Variants in WSCD2 observed in about 807,000 individuals in gnomAD.
WSCD2 encodes WSC domain sialate O sulfotransferase 2.
A neutral mutation model predicts 55.7 loss-of-function variants in WSCD2; 28 were observed. The observed-to-expected ratio is 0.50, with a 90% CI of 0.37 to 0.69. WSCD2 has a LOEUF of 0.69. Ranked by LOEUF, WSCD2 falls within the 30% of genes least tolerant of loss-of-function variation. The pLI, the probability that WSCD2 is intolerant of heterozygous loss-of-function variation, is 0.00. For missense variants in WSCD2, 616 were observed against 762.1 expected (o/e 0.81, Z 2.26); for synonymous variants, 301 against 301.9 (o/e 1.00, Z 0.03).
intron 1 of WSCD2, among the ~76,000 whole-genome samples, chr12:108,187,590 C>G (rs2137020619): frequency 6.6e-6 from 1 of 152,270 alleles, no homozygotes. Context: ...ACAAGTGGAA[C>G]CTTTCTTATA....
chr12:108,162,517 G>A (rs1192367255), intron 1 of WSCD2, among the ~76,000 whole-genome samples: 1 of 152,096 alleles, frequency 6.6e-6, no homozygotes, highest in Non-Finnish European at 1.5e-5. Context: ...TCTACTTCTG[G>A]GGGAAAGAAA....
intron 4 of WSCD2, among the ~76,000 whole-genome samples, chr12:108,223,899 T>C (rs1887796875): frequency 6.6e-6 from 1 of 152,156 alleles, no homozygotes; most frequent in African/African-American, 2.4e-5. Flanking sequence ...CCCCTCCTGA[T>C]CCCTGCCGTG....
chr12:108,236,036 C>G (rs1396171911), intron 7 of WSCD2, among the ~76,000 whole-genome samples: 1 of 152,174 alleles, frequency 6.6e-6, no homozygotes, highest in African/African-American at 2.4e-5. Context: ...TTCTGCAGCC[C>G]CTTTCAGACT....
At position 108,225,000 on chromosome 12, in the gene WSCD2, G is replaced by A. The variant is rs1208788633; in HGVS notation, c.804+140G>A. 4 of 1,274,612 alleles carry A rather than the reference G, an allele frequency of 3.1e-6. No individual in the cohort carries two copies. In the African/African-American group the frequency reaches 6.0e-5, roughly 19 times the overall value. The allele number at this position is 1,274,612 out of a possible 1,614,324, so 79.0% of individuals were successfully genotyped here. On this transcript the variant is annotated intron_variant, in intron 5 of 8. Transcript: ENST00000547525. ...TGACTGGGATCTATGACGTGGGAGA[G>A]GGATGTGACCATTTCACGTGGATCT...
chr12:108,143,727 G>T (rs1430533360), intron 1 of WSCD2, among the ~76,000 whole-genome samples: 1 of 152,200 alleles, frequency 6.6e-6, no homozygotes, highest in African/African-American at 2.4e-5. Flanking sequence ...ACATCCTGAA[G>T]ACTCAACCTG....
At chr12:108,202,847 T>G (rs1374325847) in intron 2 of WSCD2, among the ~76,000 whole-genome samples, 1 of 152,182 alleles carries the variant, frequency 6.6e-6, no homozygotes, top group African/African-American at 2.4e-5. Context: ...TACCCTGCAC[T>G]TAAAATAAAG....
At chr12:108,142,609 G>A (rs1406637146) in intron 1 of WSCD2, among the ~76,000 whole-genome samples, 1 of 152,180 alleles carries the variant, frequency 6.6e-6, no homozygotes, top group Admixed American at 6.5e-5. Flanking sequence ...TCTGGATTCT[G>A]TTGGTTGTAG....
intron 1 of WSCD2, among the ~76,000 whole-genome samples, chr12:108,175,000 C>T (rs1458041111): frequency 1.3e-5 from 2 of 152,174 alleles, no homozygotes; most frequent in Admixed American, 6.5e-5. Flanking sequence ...AGACAAGACT[C>T]GCCCCTCTCT....
At position 108,185,352 on chromosome 12, in the gene WSCD2, C is replaced by T. The variant is rs1882319840; in HGVS notation, c.-551-9930C>T. 2.0e-5 allele frequency among the ~76,000 whole-genome samples: 3 copies of T among 152,140 alleles called. No homozygotes were observed. In the South Asian group the frequency reaches 6.2e-4, roughly 32 times the overall value. ...ACTCTAGGCCCTTGTGGGATGGACCCCCACTGACCTTTTTCCACCTCCCAG... is the reference window on the plus strand; with the variant it reads ...ACTCTAGGCCCTTGTGGGATGGACCTCCACTGACCTTTTTCCACCTCCCAG... On this transcript the variant is annotated intron_variant, in intron 1 of 8. Transcript: ENST00000547525.
rs57391782 is a variant in WSCD2, at chr12:108,193,887, T to C, written c.-551-1395T>C. 3.0e-3 allele frequency among the ~76,000 whole-genome samples: 462 copies of C among 152,318 alleles called. 6 individuals carry two copies. Among genetic ancestry groups the C allele is most frequent in the African/African-American group, 0.011 (446 of 41,566 alleles). On this transcript the variant is annotated intron_variant, in intron 1 of 8. Transcript: ENST00000547525. ...ATAGTATGTGCTCAGTACTTAGTTC[T>C]TGAATAAATGGGATGGCAGACTCTA...
rs550191368 is a variant in WSCD2 at position 108,174,796 on chromosome 12, T to G, written c.-551-20486T>G. Among the ~76,000 whole-genome samples, 9 of 151,964 alleles carry G rather than the reference T, an allele frequency of 5.9e-5. No homozygotes were observed. The East Asian group carries it at 1.7e-3, about 29-fold the overall frequency. ...CACCTGGCTAACTTTAAAACGTGAG[T>G]TTTTTTGCAGAGATGGGGTCTTGCT... On this transcript the variant is annotated intron_variant, in intron 1 of 8. Coordinates refer to ENST00000547525, the MANE Select transcript of WSCD2 (RefSeq NM_014653.4).
rs1045843856 is a variant in WSCD2, at chr12:108,249,867, C to T, written c.*1524C>T. 2 of 152,608 alleles carry T rather than the reference C, an allele frequency of 1.3e-5. No homozygotes were observed. The highest frequency in any genetic ancestry group is 2.4e-5 in the African/African-American group (1 of 41,442). 9.5% of individuals were successfully genotyped at this position (152,608 alleles called of 1,614,324 possible). A position where few individuals can be genotyped will look rare whatever the true frequency, so the allele number is the denominator to read the frequency against. Reference sequence around the variant, plus strand: ...CCCTCATCTGTAGGATTTGGGCTGCCCCAGGCCCACCCAGGGGGCTCTGAA... The same window carrying T: ...CCCTCATCTGTAGGATTTGGGCTGCTCCAGGCCCACCCAGGGGGCTCTGAA... On this transcript the variant is annotated 3_prime_UTR_variant, in exon 9 of 9. Coordinates refer to ENST00000547525, the MANE Select transcript of WSCD2 (RefSeq NM_014653.4).
At position 108,226,531 on chromosome 12, in the gene WSCD2, T is replaced by C. The variant is rs533313542; in HGVS notation, c.805-459T>C. 1.1e-4 allele frequency among the ~76,000 whole-genome samples: 17 copies of C among 152,202 alleles called. No individual in the cohort carries two copies. The South Asian group carries it at 3.5e-3, about 32-fold the overall frequency. On this transcript the variant is annotated intron_variant, in intron 5 of 8. Coordinates refer to ENST00000547525, the MANE Select transcript of WSCD2 (RefSeq NM_014653.4). The stretch of plus-strand genomic sequence containing the variant: ...TTTCCAGGAGAAAGCTTCGTTTCAG[T>C]GTTTAAGCGTCAACACCTCTCACCC...
At chr12:108,244,723 A>C in intron 8 of WSCD2, 1 of 661,858 alleles carries the variant, frequency 1.5e-6, no homozygotes, top group Non-Finnish European at 2.8e-6. Context: ...ATCTATAAAC[A>C]GACCCCAGGT....
At chr12:108,175,722 G>A (rs1440543053) in intron 1 of WSCD2, among the ~76,000 whole-genome samples, 4 of 152,234 alleles carry the variant, frequency 2.6e-5, no homozygotes, top group South Asian at 2.1e-4. Flanking sequence ...CCTTTCAGGC[G>A]CCTAGAATAA....
chr12:108,158,256 C>T lies in WSCD2; in HGVS notation c.-552+28330C>T, dbSNP rs774250808. Among the ~76,000 whole-genome samples, 595 of 152,216 alleles carry T rather than the reference C, an allele frequency of 3.9e-3. 2 individuals are homozygous for T. The highest frequency in any genetic ancestry group is 4.9e-3 in the Non-Finnish European group (333 of 68,008). Reference sequence around the variant, plus strand: ...AGAGATTAAATTGCCCCTGGAGAGGCGTGGGTGATAGCAGCCACAAACGGA... The same window carrying T: ...AGAGATTAAATTGCCCCTGGAGAGGTGTGGGTGATAGCAGCCACAAACGGA... On this transcript the variant is annotated intron_variant, in intron 1 of 8. Coordinates refer to ENST00000547525, the MANE Select transcript of WSCD2 (RefSeq NM_014653.4).
intron 6 of WSCD2, among the ~76,000 whole-genome samples, chr12:108,230,976 G>T (rs1888685580): frequency 2.0e-5 from 3 of 152,052 alleles, no homozygotes; most frequent in Admixed American, 2.0e-4. Flanking sequence ...CGCTGGAAGG[G>T]GCTCTTTCTA....
chr12:108,137,643 C>T (rs767086905), intron 1 of WSCD2, among the ~76,000 whole-genome samples: 3 of 152,180 alleles, frequency 2.0e-5, no homozygotes, highest in Non-Finnish European at 2.9e-5. Context: ...AACTTCTGTC[C>T]AGCTGAATGT....
At chr12:108,168,963 TATC>T (rs975316775) in intron 1 of WSCD2, among the ~76,000 whole-genome samples, 81 of 152,284 alleles carry the variant, frequency 5.3e-4, no homozygotes, top group African/African-American at 1.9e-3. Context: ...GTGAACAAAA[TATC>T]ATCAGTATTT....
Sources: allele counts gnomAD v4.1 joint callset (sites outside exome capture counted in the v4.1 genomes callset), GRCh38; gene constraint gnomAD v4.1.1; transcripts MANE v1.5; gene names NCBI Gene and HGNC (gene_info 2026-07-23, HGNC 2026-07-21).